The following AKAP4 variants were observed in gnomAD, a reference collection of about 807,000 sequenced individuals.
The protein encoded by AKAP4 is A-kinase anchoring protein 4.
In AKAP4, 4 loss-of-function variants were observed where a neutral mutation model predicts 42.6. The ratio of observed to expected loss-of-function variants is 0.09; its 90% confidence interval spans 0.05 to 0.22. The LOEUF (loss-of-function observed/expected upper bound fraction) is 0.22, where lower values mean the gene tolerates loss of function less well. Ranked by LOEUF, AKAP4 falls within the 10% of genes least tolerant of loss-of-function variation. AKAP4 has a pLI of 1.00. For synonymous variants in AKAP4, 223 were observed against 233.0 expected (o/e 0.96, Z 0.39); for missense variants, 551 against 630.7 (o/e 0.87, Z 1.35).
At chrX:50,198,910 A>G (rs1216086459) in intron 1 of AKAP4, among the ~76,000 whole-genome samples, 158 bp from the exon 2 acceptor site, 3 of 111,547 alleles carry the variant, frequency 2.7e-5, no homozygotes, top group African/African-American at 9.8e-5. Context: ...TGGGGGACAC[A>G]TTGAGATGTT....
In AKAP4 at chrX:50,198,747, A is replaced by G. The variant is rs782656278; in HGVS notation, c.33T>C (p.Ser11=). MMAYSDTTMM[S]DDIDWLRSHR... ...GGCTGCGTAACCAGTCAATATCATC[A>G]GACATCTGGAAAGAGAAAGAAAAGA... is the stretch of plus-strand genomic sequence containing the variant. Residue 11 remains serine, a synonymous_variant, in exon 2 of 6, where the codon TCT becomes TCC. Coordinates refer to ENST00000358526, the MANE Select transcript of AKAP4 (RefSeq NM_003886.3). 7 of 1,199,854 alleles carry G rather than the reference A, an allele frequency of 5.8e-6. No individual in the cohort carries two copies. The highest frequency in any genetic ancestry group is 7.9e-6 in the Non-Finnish European group (7 of 886,564).
Position 50,194,097 on chromosome X carries a change from T to C in AKAP4, c.616A>G (p.Ile206Val). 8.3e-7 allele frequency: 1 copy of C among 1,211,679 alleles called. No homozygotes were observed. Among genetic ancestry groups the C allele is most frequent in the East Asian group, 3.0e-5 (1 of 33,828 alleles). ...ATAGAACATTCTCCATCAGGGGAAA[T>C]GACTGCTCTCTGAGTGCTAGGAGGT... ...AKPPSTQRAV[I>V]SPDGECSIDD... The change falls in exon 5 of 6, where the codon ATT (isoleucine) becomes GTT (valine). Residue 206 changes from isoleucine (I) to valine (V), a missense_variant. Coordinates refer to ENST00000358526, the MANE Select transcript of AKAP4 (RefSeq NM_003886.3).
At chrX:50,194,695 T>C (rs782504380) in intron 4 of AKAP4, among the ~76,000 whole-genome samples, 6 of 110,445 alleles carry the variant, frequency 5.4e-5, no homozygotes, top group African/African-American at 2.0e-4. Context: ...TCTCAATGTG[T>C]CAAAAATGTG....
Position 50,196,981 on chromosome X carries a change from A to G in AKAP4, c.186T>C (p.Ser62=). The G allele has an allele frequency of 1.7e-6, 2 of 1,197,659 alleles. No individual in the cohort carries two copies. The highest frequency in any genetic ancestry group is 3.0e-5 in the East Asian group (1 of 33,789). Residue 62 remains serine, a synonymous_variant, in exon 4 of 6, where the codon AGT becomes AGC. Transcript: ENST00000358526. ...VEDKDYKDAA[S]SSSEGNLNLG... ...GGTTTAAGTTGCCTTCTGAGCTGGA[A>G]CTAGCAGCATCCTATGGAATTAAAG...
chrX:50,195,176 C>T (rs1436239046), intron 4 of AKAP4, among the ~76,000 whole-genome samples: 2 of 111,852 alleles, frequency 1.8e-5, no homozygotes, highest in Non-Finnish European at 3.8e-5. Context: ...TATGTTAAAA[C>T]ATGAATATGT....
intron 2 of AKAP4, 44 bp from the exon 3 acceptor site, chrX:50,197,638 A>G: frequency 6.3e-6 from 7 of 1,114,920 alleles, no homozygotes; most frequent in Non-Finnish European, 8.6e-6. Context: ...CTCTAGAGAA[A>G]GGGGCATAAT....
chrX:50,192,972 T>A lies in AKAP4; in HGVS notation c.1741A>T (p.Ser581Cys), dbSNP rs1227929014. ...PGSTMGYMAQ[S>C]TQYEKCGGGQ... ...CCTCCACACTTTTCATATTGAGTAC[T>A]CTGAGCCATATAGCCCATGGTGGAA... The change falls in exon 5 of 6, where the codon AGT becomes TGT. Residue 581 changes from serine to cysteine, a missense_variant. Ser to Cys is a moderately radical substitution (Grantham distance 112). Transcript: ENST00000358526. 18 of 1,210,169 alleles carry A rather than the reference T, an allele frequency of 1.5e-5. No homozygotes were observed. In the Admixed American group the frequency reaches 3.9e-4, roughly 26 times the overall value.
intron 4 of AKAP4, among the ~76,000 whole-genome samples, chrX:50,196,051 T>C (rs1176119177): frequency 8.9e-6 from 1 of 111,914 alleles, no homozygotes; most frequent in Non-Finnish European, 1.9e-5. Context: ...TGGGCTGCTT[T>C]TTCAAAAATT....
intron 4 of AKAP4, 60 bp downstream of exon 4, chrX:50,196,831 T>G (rs782749208): frequency 1.4e-5 from 12 of 882,774 alleles, no homozygotes; most frequent in Non-Finnish European, 1.8e-5. Flanking sequence ...TCCAGAGTCC[T>G]CAGACTCATC....
intron 5 of AKAP4, among the ~76,000 whole-genome samples, chrX:50,192,044 T>C (rs181843359): frequency 1.2e-4 from 13 of 111,063 alleles, no homozygotes; most frequent in African/African-American, 3.6e-4. Context: ...CAATGTTTTA[T>C]CAAATAGTTT....
Position 50,192,722 on chromosome X carries a change from G to C in AKAP4, c.1991C>G (p.Ala664Gly), listed in dbSNP as rs143213342. ...TTTGTCAGATCTGTTGGACATGGAA[G>C]CTGCTTTGCTTGCCCTGGGCTCAGA... ...KCSEPRASKA[A>G]SMSNRSDKAE... Residue 664 changes from alanine to glycine, a missense_variant, in exon 5 of 6, where the codon GCT (alanine) becomes GGT (glycine). Coordinates refer to ENST00000358526, the MANE Select transcript of AKAP4 (RefSeq NM_003886.3). 1 of 1,210,456 alleles carries C rather than the reference G, an allele frequency of 8.3e-7. No individual in the cohort carries two copies. Among genetic ancestry groups the C allele is most frequent in the Non-Finnish European group, 1.1e-6 (1 of 895,406 alleles).
chrX:50,196,351 C>T (rs1313166584), intron 4 of AKAP4, among the ~76,000 whole-genome samples: 2 of 111,561 alleles, frequency 1.8e-5, no homozygotes, highest in East Asian at 2.8e-4. Context: ...GCTCCAGTGC[C>T]CTCCCAAAAC....
intron 2 of AKAP4, 34 bp from the exon 3 acceptor site, chrX:50,197,628 C>G: frequency 8.6e-7 from 1 of 1,160,162 alleles, no homozygotes; most frequent in Non-Finnish European, 1.2e-6. Context: ...TTTAGAAAAA[C>G]TCTAGAGAAA....
chrX:50,200,469 T>A, intron 1 of AKAP4: 2 of 628,079 alleles, frequency 3.2e-6, no homozygotes, highest in Non-Finnish European at 3.8e-6. Context: ...TAAGCAAAGG[T>A]GGGCATGTTG....
At chrX:50,198,601 C>T in intron 2 of AKAP4, 56 bp downstream of exon 2, 1 of 935,778 alleles carries the variant, frequency 1.1e-6, no homozygotes, top group Non-Finnish European at 1.5e-6. Context: ...CCCAGGATAT[C>T]TATACCCATA....
rs782186826 is a variant in AKAP4, at chrX:50,193,028, C to A, written c.1685G>T (p.Gly562Val). The change falls in exon 5 of 6, where the codon GGC becomes GTC. Residue 562 changes from glycine to valine, a missense_variant. Physicochemically the swap from Gly to Val is moderately radical, Grantham distance 109 (BLOSUM62 -3). Transcript: ENST00000358526. ...IQYHLTQQTK[G>V]KDTCEEDCPG... Reference sequence around the variant, plus strand: ...ACAGTCTTCTTCACATGTATCTTTGCCCTTAGTCTGCTGGGTCAGATGGTA... The same window carrying A: ...ACAGTCTTCTTCACATGTATCTTTGACCTTAGTCTGCTGGGTCAGATGGTA... 4.6e-5 allele frequency: 56 copies of A among 1,210,034 alleles called. No individual in the cohort carries two copies. Among genetic ancestry groups the A allele is most frequent in the Non-Finnish European group, 6.1e-5 (55 of 895,236 alleles).
intron 4 of AKAP4, among the ~76,000 whole-genome samples, chrX:50,195,560 C>A (rs782320101): frequency 1.8e-5 from 2 of 111,504 alleles, no homozygotes; most frequent in Non-Finnish European, 3.8e-5. Flanking sequence ...AATGTATGTT[C>A]ATGCATTGTG....
At position 50,194,212 on chromosome X, in the gene AKAP4, A is replaced by G; in HGVS notation, c.501T>C (p.Tyr167=). Residue 167 remains tyrosine (Y), a synonymous_variant, in exon 5 of 6, where the codon TAT becomes TAC. Coordinates refer to ENST00000358526, the MANE Select transcript of AKAP4 (RefSeq NM_003886.3). The part of the protein sequence containing the change: ...SVYADQVNID[Y]LMNRPQNLRL... ...GTAGGTTTTGAGGTCTGTTCATCAA[A>G]TAATCTATGTTCACTTGATCGGCAT... 1.7e-6 allele frequency: 2 copies of G among 1,211,264 alleles called. No homozygotes were observed. The highest frequency in any genetic ancestry group is 1.1e-6 in the Non-Finnish European group (1 of 895,247).
chrX:50,192,518 T>C lies in AKAP4; in HGVS notation c.2195A>G (p.Asn732Ser). 1 of 1,211,634 alleles carries C rather than the reference T, an allele frequency of 8.3e-7. No homozygotes were observed. The highest frequency in any genetic ancestry group is 1.1e-6 in the Non-Finnish European group (1 of 895,463). ...AELEEQAASA[N>S]KPNFRGTRCI... ...TCTGGTGCCCCTGAAATTGGGCTTA[T>C]TTGCCGAGGCTGCTTGTTCTTCCAA... The change falls in exon 5 of 6, where the codon AAT becomes AGT. Residue 732 changes from asparagine (N) to serine (S), a missense_variant. Coordinates refer to ENST00000358526, the MANE Select transcript of AKAP4 (RefSeq NM_003886.3).
Sources: allele counts gnomAD v4.1 joint callset (sites outside exome capture counted in the v4.1 genomes callset), GRCh38; gene constraint gnomAD v4.1.1; transcripts MANE v1.5; gene names NCBI Gene and HGNC (gene_info 2026-07-23, HGNC 2026-07-21).